The following GHR variants were observed in gnomAD, a reference collection of about 807,000 sequenced individuals.
GHR encodes the protein growth hormone receptor, also known as GH receptor.
GHR carries 35 observed loss-of-function variants against 67.1 expected under a neutral mutation model. The ratio of observed to expected loss-of-function variants is 0.52; its 90% CI spans 0.40 to 0.69. GHR has a LOEUF of 0.69. Ranked by LOEUF, GHR falls within the 30% of genes least tolerant of loss-of-function variation. GHR has a pLI of 0.00. For synonymous variants in GHR, 272 were observed against 269.1 expected (o/e 1.01, Z -0.10); for missense variants, 792 against 764.6 (o/e 1.04, Z -0.42).
intron 1 of GHR, chr5:42,468,494 GC>G: frequency 1.3e-6 from 1 of 784,474 alleles, no homozygotes; most frequent in Non-Finnish European, 2.1e-6. Context: ...TGGCTCTGCA[GC>G]AGGAGGCTGG....
chr5:42,549,592 G>T lies in GHR; in HGVS notation c.-11-16272G>T, dbSNP rs1748910917. ...AGCAAAGATGGATTAAGTGAGAAGA[G>T]TATAGGAGGCAGCAGGGCCAGAGGT... On this transcript the variant is annotated intron_variant, in intron 1 of 9. Coordinates refer to ENST00000230882, the MANE Select transcript of GHR (RefSeq NM_000163.5). 7.2e-6 allele frequency: 5 copies of T among 695,974 alleles called. No homozygotes were observed. The South Asian group carries it at 3.2e-4, about 44-fold the overall frequency. The allele number at this position is 695,974 out of a possible 1,614,324, so 43.1% of individuals were successfully genotyped here. A position where few individuals can be genotyped will look rare whatever the true frequency, so the allele number is the denominator to read the frequency against.
chr5:42,530,553 C>T (rs1747919191), intron 1 of GHR, among the ~76,000 whole-genome samples: 3 of 152,098 alleles, frequency 2.0e-5, no homozygotes, highest in African/African-American at 7.2e-5. Flanking sequence ...AAAATGGTGA[C>T]TATGTTAGAA....
At chr5:42,615,375 A>G (rs1289793352) in intron 2 of GHR, among the ~76,000 whole-genome samples, 2 of 152,062 alleles carry the variant, frequency 1.3e-5, no homozygotes, top group Non-Finnish European at 2.9e-5. Flanking sequence ...GGAGCCTCTG[A>G]TGACATCTGT....
At chr5:42,563,944 G>A (rs1361395244) in intron 1 of GHR, among the ~76,000 whole-genome samples, 1 of 152,084 alleles carries the variant, frequency 6.6e-6, no homozygotes, top group African/African-American at 2.4e-5. Flanking sequence ...TGTTCACCTA[G>A]GAGTAAAGGA....
Position 42,695,005 on chromosome 5 carries a change from A to G in GHR, c.355A>G (p.Thr119Ala). Residue 119 changes from threonine (T) to alanine (A), a missense_variant, in exon 5 of 10, where the codon ACC (threonine) becomes GCC (alanine). Coordinates refer to ENST00000230882, the MANE Select transcript of GHR (RefSeq NM_000163.5). ...CAGCTGTTACTTTAATTCATCGTTT[A>G]CCTCCATCTGGATACCTTATTGTAT... is the stretch of plus-strand genomic sequence containing the variant. ...ENSCYFNSSF[T>A]SIWIPYCIKL... 6.2e-6 allele frequency: 10 copies of G among 1,609,482 alleles called. No homozygotes were observed. The highest frequency in any genetic ancestry group is 1.3e-5 in the African/African-American group (1 of 74,892).
chr5:42,580,649 G>A (rs886459380), intron 2 of GHR, among the ~76,000 whole-genome samples: 1 of 152,172 alleles, frequency 6.6e-6, no homozygotes, highest in Non-Finnish European at 1.5e-5. Context: ...AGAATTAAAC[G>A]ATGTAGCCAA....
chr5:42,603,923 T>A (rs1262615779), intron 2 of GHR, among the ~76,000 whole-genome samples: 1 of 152,232 alleles, frequency 6.6e-6, no homozygotes, highest in African/African-American at 2.4e-5. Context: ...TTGCCTGTAC[T>A]TCTTACTGAC....
intron 2 of GHR, among the ~76,000 whole-genome samples, chr5:42,600,620 C>T (rs1481587171): frequency 6.6e-6 from 1 of 152,296 alleles, no homozygotes. Context: ...CTGGGCAGCA[C>T]ACCAGAGTGA....
chr5:42,533,488 A>C (rs1748071225), intron 1 of GHR, among the ~76,000 whole-genome samples: 1 of 151,712 alleles, frequency 6.6e-6, no homozygotes, highest in Non-Finnish European at 1.5e-5. Flanking sequence ...ATTTTTTATT[A>C]CTCTAGATTT....
intron 2 of GHR, among the ~76,000 whole-genome samples, chr5:42,567,667 A>C (rs1750019783): frequency 2.6e-5 from 4 of 152,072 alleles, no homozygotes. Flanking sequence ...CATATTCCAG[A>C]ATCCTTTCTT....
rs539863640 is a variant in GHR at position 42,493,758 on chromosome 5, G to A, written c.-12+69803G>A. On this transcript the variant is annotated intron_variant, in intron 1 of 9. Coordinates refer to ENST00000230882, the MANE Select transcript of GHR (RefSeq NM_000163.5). ...GTTTAGGCCTGAAATATTTGATTCC[G>A]CTCTTATTTGTCAAGATACAATATA... Among the ~76,000 whole-genome samples the A allele has an allele frequency of 1.3e-4, 20 of 152,148 alleles. No homozygotes were observed. In the East Asian group the frequency reaches 1.9e-3, roughly 15 times the overall value.
intron 3 of GHR, among the ~76,000 whole-genome samples, chr5:42,641,019 G>C (rs999743209): frequency 6.6e-6 from 1 of 152,112 alleles, no homozygotes; most frequent in Non-Finnish European, 1.5e-5. Flanking sequence ...CAAACAGAAA[G>C]GTAGTGCAAT....
intron 1 of GHR, among the ~76,000 whole-genome samples, chr5:42,464,701 A>G (rs184179116): frequency 6.6e-6 from 1 of 152,304 alleles, no homozygotes. Flanking sequence ...TAACTAGGCC[A>G]TCTTTAACCC....
intron 1 of GHR, among the ~76,000 whole-genome samples, chr5:42,478,961 C>A (rs898215306): frequency 3.3e-5 from 5 of 152,126 alleles, no homozygotes; most frequent in African/African-American, 9.7e-5. Flanking sequence ...CTGTTTTGTG[C>A]CCGTTTTCAA....
chr5:42,668,406 A>T (rs1180641430), intron 3 of GHR, among the ~76,000 whole-genome samples: 2 of 152,110 alleles, frequency 1.3e-5, no homozygotes, highest in African/African-American at 2.4e-5. Context: ...TATGTTTCAC[A>T]GCATCCCTGG....
At chr5:42,713,222 G>GT (rs1758556059) in intron 7 of GHR, among the ~76,000 whole-genome samples, 1 of 151,886 alleles carries the variant, frequency 6.6e-6, no homozygotes, top group African/African-American at 2.4e-5. Context: ...TTTTTTTAAT[G>GT]TGAGGAGATT....
chr5:42,660,548 G>T (rs1755535226), intron 3 of GHR, among the ~76,000 whole-genome samples: 1 of 152,178 alleles, frequency 6.6e-6, no homozygotes, highest in African/African-American at 2.4e-5. Flanking sequence ...GCAGCTGAGG[G>T]TCCTGTCTGT....
intron 1 of GHR, among the ~76,000 whole-genome samples, chr5:42,505,245 T>C (rs1441665732): frequency 6.6e-6 from 1 of 151,952 alleles, no homozygotes; most frequent in East Asian, 1.9e-4. Flanking sequence ...GCAGAGAATA[T>C]GGTTGAATTC....
intron 1 of GHR, among the ~76,000 whole-genome samples, chr5:42,532,478 A>G (rs1748018643): frequency 6.6e-6 from 1 of 152,174 alleles, no homozygotes; most frequent in Admixed American, 6.5e-5. Context: ...TCTGCTTCTT[A>G]GCTGTTATTC....
Sources: gnomAD v4.1 joint callset for allele counts (sites outside exome capture counted in the v4.1 genomes callset) on GRCh38, gnomAD v4.1.1 for gene constraint, MANE v1.5 for transcripts, NCBI Gene and HGNC (gene_info 2026-07-23, HGNC 2026-07-21) for gene names.